TAPT1: variants seen among roughly 807,000 people sequenced by gnomAD.
TAPT1 encodes the protein transmembrane anterior posterior transformation protein 1 homolog.
A neutral mutation model predicts 65.6 loss-of-function variants in TAPT1; 28 were observed. That is an observed-to-expected ratio of 0.43 (90% CI 0.32 to 0.59). The LOEUF is 0.59. Among genes scored for constraint, TAPT1 ranks in the 20% least tolerant of loss-of-function variants. TAPT1 has a pLI of 0.09. For missense variants in TAPT1, 563 were observed against 679.9 expected, an observed-to-expected ratio of 0.83 and a Z score of 1.91; for synonymous variants, 278 against 245.2, an observed-to-expected ratio of 1.13 and a Z score of -1.25.
At chr4:16,211,584 T>C (rs1750656599) in intron 2 of TAPT1, among the ~76,000 whole-genome samples, 1 of 152,168 alleles carries the variant, frequency 6.6e-6, no homozygotes, top group Non-Finnish European at 1.5e-5. Flanking sequence ...CTACATCAAA[T>C]TTTCCCAAAC....
At chr4:16,191,584 A>G in intron 3 of TAPT1, 61 bp from the exon 4 acceptor site, 2 of 1,471,690 alleles carry the variant, frequency 1.4e-6, no homozygotes, top group Non-Finnish European at 1.8e-6. Context: ...CACAAAAACA[A>G]TAATCTTTAC....
chr4:16,182,369 C>A (rs890386236), intron 7 of TAPT1, among the ~76,000 whole-genome samples: 2 of 152,138 alleles, frequency 1.3e-5, no homozygotes, highest in African/African-American at 4.8e-5. Context: ...TGAACTCTTA[C>A]ATTGATTAAA....
intron 3 of TAPT1, among the ~76,000 whole-genome samples, chr4:16,198,121 T>TTTAC (rs1458942774): frequency 5.9e-5 from 9 of 152,214 alleles, no homozygotes; most frequent in African/African-American, 2.2e-4. Context: ...GAAGGCTGGG[T>TTTAC]TTACTTAAGG....
At chr4:16,208,793 T>C (rs1750487957) in intron 2 of TAPT1, among the ~76,000 whole-genome samples, 1 of 152,232 alleles carries the variant, frequency 6.6e-6, no homozygotes, top group Non-Finnish European at 1.5e-5. Context: ...CTAAGAAATA[T>C]ATATTTAATA....
Position 16,179,580 on chromosome 4 carries a change from G to T in TAPT1, c.994C>A (p.Pro332Thr). ...TGTTTTGTTAAGAGTGAGTTACCTGGATTCCAAGAAAACTGTTCCATGTTT... is the reference window on the plus strand; with the variant it reads ...TGTTTTGTTAAGAGTGAGTTACCTGTATTCCAAGAAAACTGTTCCATGTTT... ...LRNMEQFSWNPDHLWVLFPDV... is the reference protein window; with the variant it reads ...LRNMEQFSWNTDHLWVLFPDV... The change falls in exon 8 of 14, where the codon CCA (proline) becomes ACA (threonine). Residue 332 changes from proline (P) to threonine (T), a missense_variant. By Grantham distance (38) the Pro-to-Thr change is conservative (BLOSUM62 -1). Transcript: ENST00000405303. 6.6e-7 allele frequency: 1 copy of T among 1,525,014 alleles called. No individual in the cohort carries two copies. The highest frequency in any genetic ancestry group is 8.8e-7 in the Non-Finnish European group (1 of 1,136,178). 94.5% of individuals were successfully genotyped at this position (1,525,014 alleles called of 1,614,324 possible). A position where few individuals can be genotyped will look rare whatever the true frequency, so the allele number is the denominator to read the frequency against.
chr4:16,196,722 G>T, intron 3 of TAPT1: 1 of 1,285,324 alleles, frequency 7.8e-7, no homozygotes, highest in South Asian at 1.2e-5. Context: ...CCTCCCTTCG[G>T]TCTGATTTAC....
Position 16,186,776 on chromosome 4 carries a change from C to T in TAPT1, c.846+5G>A. On this transcript the variant is annotated splice_donor_5th_base_variant and intron_variant, in intron 6 of 13. Coordinates refer to ENST00000405303, the MANE Select transcript of TAPT1 (RefSeq NM_153365.3). The stretch of plus-strand genomic sequence containing the variant: ...TCAAAAATGTAAGATAAATCTCATA[C>T]TTACATTATTAGACATCATGATAGT... The T allele has an allele frequency of 1.3e-6, 2 of 1,572,684 alleles. No homozygotes were observed. Among genetic ancestry groups the T allele is most frequent in the African/African-American group, 2.7e-5 (2 of 73,900 alleles).
At chr4:16,226,626 G>A (rs1255105364), upstream of TAPT1, 133 of 256,664 alleles carry the variant, frequency 5.2e-4, 1 homozygote, top group Non-Finnish European at 5.2e-4. Context: ...ACGCGTGTGA[G>A]GCCGCTGCCG....
intron 10 of TAPT1, 57 bp downstream of exon 10, chr4:16,174,613 G>C: frequency 7.1e-7 from 1 of 1,408,956 alleles, no homozygotes; most frequent in South Asian, 1.3e-5. Context: ...TCATTATTCA[G>C]TTAATTTCAG....
At chr4:16,216,423 T>A (rs1221395487) in intron 1 of TAPT1, among the ~76,000 whole-genome samples, 1 of 152,204 alleles carries the variant, frequency 6.6e-6, no homozygotes, top group Non-Finnish European at 1.5e-5. Context: ...AAAACCATCA[T>A]CAAAATCCTA....
intron 2 of TAPT1, among the ~76,000 whole-genome samples, chr4:16,205,961 A>T (rs1750319828): frequency 6.6e-6 from 1 of 152,172 alleles, no homozygotes; most frequent in Admixed American, 6.5e-5. Context: ...ACATTTTGAT[A>T]AATCTCTGCT....
intron 1 of TAPT1, among the ~76,000 whole-genome samples, chr4:16,224,349 C>A (rs537260520): frequency 2.6e-5 from 4 of 152,284 alleles, no homozygotes; most frequent in African/African-American, 9.6e-5. Flanking sequence ...GTGGGGAAAC[C>A]TCTAACAAAT....
At chr4:16,226,133 C>A in intron 1 of TAPT1, 126 bp downstream of exon 1, 1 of 989,052 alleles carries the variant, frequency 1.0e-6, no homozygotes, top group Non-Finnish European at 1.2e-6. Flanking sequence ...CGCCCACAGC[C>A]TGGGGAGCCC....
At chr4:16,200,023 C>T (rs943478181) in intron 3 of TAPT1, among the ~76,000 whole-genome samples, 6 of 152,166 alleles carry the variant, frequency 3.9e-5, no homozygotes, top group Non-Finnish European at 8.8e-5. Flanking sequence ...AAACAACTGT[C>T]CCCGAAGAGA....
rs564773653 is a variant in TAPT1, at chr4:16,208,699, T to C, written c.330+5069A>G. Among the ~76,000 whole-genome samples, 8 of 152,348 alleles carry C rather than the reference T, an allele frequency of 5.3e-5. No individual in the cohort carries two copies. In the South Asian group the frequency reaches 1.5e-3, roughly 28 times the overall value. On this transcript the variant is annotated intron_variant, in intron 2 of 13. Coordinates refer to ENST00000405303, the MANE Select transcript of TAPT1 (RefSeq NM_153365.3). The stretch of plus-strand genomic sequence containing the variant: ...CTGCAACAACTGAGACCTCTTTTCT[T>C]CTAGATTTGTTGAAAAAAATAATTT...
In TAPT1 at chr4:16,213,828, C is replaced by T. The variant is rs6823623; in HGVS notation, c.270G>A (p.Lys90=). The change falls in exon 2 of 14, where the codon AAG becomes AAA. Residue 90 remains lysine (K), a synonymous_variant. Transcript: ENST00000405303. ...RGYFLEHNEA[K]YTERRERVYT... ...ATACTCTTTCTCTTCTTTCTGTATA[C>T]TTGGCCTCATTATGTTCAAGGAAGT... The T allele has an allele frequency of 0.026, 41,185 of 1,608,556 alleles. 6,956 individuals are homozygous for T. The African/African-American group carries it at 0.42, about 16-fold the overall frequency.
intron 1 of TAPT1, chr4:16,225,937 G>A (rs1053643483): frequency 6.1e-6 from 6 of 989,732 alleles, no homozygotes; most frequent in East Asian, 1.1e-4. Context: ...CGAGACGTGG[G>A]AGATGCCCGC....
chr4:16,207,538 C>T (rs1750419851), intron 2 of TAPT1, among the ~76,000 whole-genome samples: 2 of 152,278 alleles, frequency 1.3e-5, no homozygotes, highest in East Asian at 3.9e-4. Flanking sequence ...CACAGGCAAA[C>T]TCATTCAATG....
chr4:16,176,267 T>G, intron 8 of TAPT1, 39 bp from the exon 9 acceptor site: 3 of 1,065,260 alleles, frequency 2.8e-6, no homozygotes, highest in Non-Finnish European at 4.1e-6. Flanking sequence ...AATATCTTAA[T>G]ATGAACAGAA....
Sources: gnomAD v4.1 joint callset for allele counts (sites outside exome capture counted in the v4.1 genomes callset) on GRCh38, gnomAD v4.1.1 for gene constraint, MANE v1.5 for transcripts, NCBI Gene and HGNC (gene_info 2026-07-23, HGNC 2026-07-21) for gene names.